The following MEGF8 variants were observed in gnomAD, a reference collection of about 807,000 sequenced individuals.
MEGF8 encodes the protein multiple epidermal growth factor-like domains protein 8.
Under a neutral mutation model 302.9 loss-of-function variants are expected in MEGF8, and 156 were observed. That is an observed-to-expected ratio of 0.52 (90% CI 0.45 to 0.59). The LOEUF (loss-of-function observed/expected upper bound fraction) is 0.59, where lower values mean the gene tolerates loss of function less well. MEGF8 is among the 20% of genes least tolerant of loss of function. MEGF8 has a pLI of 0.00. For missense variants in MEGF8, 3,345 were observed against 3,964.5 expected (o/e 0.84, Z 4.20); for synonymous variants, 1,621 against 1,660.5 (o/e 0.98, Z 0.58).
rs150171260 is a variant in MEGF8, at chr19:42,343,532, C to T, written c.1569C>T (p.Gly523=). 5.6e-6 allele frequency: 9 copies of T among 1,613,380 alleles called. No individual in the cohort carries two copies. Among genetic ancestry groups the T allele is most frequent in the Non-Finnish European group, 6.8e-6 (8 of 1,179,692 alleles). ...CACATGTAGCTGCGGTGCTTGGTGGCAGCGTCCTGTTGGTGGCTGGGGGGT... is the reference window on the plus strand; with the variant it reads ...CACATGTAGCTGCGGTGCTTGGTGGTAGCGTCCTGTTGGTGGCTGGGGGGT... ...RYSHVAAVLG[G]SVLLVAGGYS... is the part of the protein sequence containing the mutation. Residue 523 remains glycine, a synonymous_variant, in exon 9 of 42, where the codon GGC becomes GGT. Coordinates refer to ENST00000251268, the MANE Select transcript of MEGF8 (RefSeq NM_001271938.2).
At chr19:42,330,077 G>A (rs2039036166) in intron 1 of MEGF8, among the ~76,000 whole-genome samples, 1 of 151,932 alleles carries the variant, frequency 6.6e-6, no homozygotes, top group African/African-American at 2.4e-5. Context: ...TGAGTAGCTG[G>A]GATTACAGGC....
intron 8 of MEGF8, among the ~76,000 whole-genome samples, chr19:42,343,001 C>T (rs931232468): frequency 2.0e-5 from 3 of 152,154 alleles, no homozygotes; most frequent in African/African-American, 7.2e-5. Context: ...GTTGGTTTTC[C>T]AGAGGAAAAT....
Position 42,358,996 on chromosome 19 carries a change from G to T in MEGF8, c.5343+42G>T, listed in dbSNP as rs1281372368. The T allele has an allele frequency of 1.9e-6, 3 of 1,589,680 alleles. No individual in the cohort carries two copies. The highest frequency in any genetic ancestry group is 2.3e-5 in the East Asian group (1 of 44,190). On this transcript the variant is annotated intron_variant, in intron 30 of 41. Transcript: ENST00000251268. This position sits in a 1 kb window ranked among gnomAD's most constrained non-coding sequence, Gnocchi z 4.4. ...GTTAGGATTGGGTGGGCTGGTAGGG[G>T]GGGATAGGTAGGGAAGTACAGGGGT...
chr19:42,337,399 G>A (rs933992275), intron 8 of MEGF8, among the ~76,000 whole-genome samples, 193 bp downstream of exon 8: 4 of 152,254 alleles, frequency 2.6e-5, no homozygotes, highest in South Asian at 2.1e-4. Context: ...GGCCCTTACC[G>A]CAGTATCCAA....
At position 42,356,084 on chromosome 19, in the gene MEGF8, G is replaced by C. The variant is rs1256757653; in HGVS notation, c.4394G>C (p.Ser1465Thr). 2.5e-6 allele frequency: 4 copies of C among 1,588,990 alleles called. No homozygotes were observed. The Admixed American group carries it at 6.9e-5, about 27-fold the overall frequency. Residue 1465 changes from serine to threonine, a missense_variant and splice_region_variant, in exon 25 of 42, where the codon AGC becomes ACC. Ser to Thr is a moderately conservative substitution (Grantham distance 58). Transcript: ENST00000251268. The surrounding 1 kb of genome is among the most constrained non-coding windows in gnomAD (Gnocchi z 5.2). ...AHTGAGTCNQSLGVCICAEGF... is the reference protein window; with the variant it reads ...AHTGAGTCNQTLGVCICAEGF... ...CCTGAGTCCCTTGTCATCCCCCAGAGCCTGGGTGTGTGCATCTGTGCCGAG... is the reference window on the plus strand; with the variant it reads ...CCTGAGTCCCTTGTCATCCCCCAGACCCTGGGTGTGTGCATCTGTGCCGAG...
Position 42,333,586 on chromosome 19 carries a change from CT to C in MEGF8, c.188-18del, listed in dbSNP as rs1568555406. The stretch of plus-strand genomic sequence containing the variant: ...GAAGGTCCGCTTTAGAGCTTGGTCC[CT>C]CTGTGCTCACCTCCCAGCCCCAAGC... On this transcript the variant is annotated intron_variant, in intron 1 of 41. Coordinates refer to ENST00000251268, the MANE Select transcript of MEGF8 (RefSeq NM_001271938.2). 3 of 1,610,256 alleles carry C rather than the reference CT, an allele frequency of 1.9e-6. No individual in the cohort carries two copies. The highest frequency in any genetic ancestry group is 1.7e-4 in the Middle Eastern group (1 of 6,036).
chr19:42,341,738 C>A lies in MEGF8; in HGVS notation c.1514-1739C>A, dbSNP rs184219131. On this transcript the variant is annotated intron_variant, in intron 8 of 41. Coordinates refer to ENST00000251268, the MANE Select transcript of MEGF8 (RefSeq NM_001271938.2). ...CTGTGATTATAGACGTGAACTACCA[C>A]GCCCAGACATATTGTCTTTCTTATA... is the stretch of plus-strand genomic sequence containing the variant. 1.5e-4 allele frequency among the ~76,000 whole-genome samples: 23 copies of A among 152,298 alleles called. No homozygotes were observed. In the East Asian group the frequency reaches 4.2e-3, roughly 28 times the overall value.
rs753199102 is a variant in MEGF8 at position 42,353,474 on chromosome 19, G to C, written c.3560G>C (p.Trp1187Ser). 7 of 1,610,184 alleles carry C rather than the reference G, an allele frequency of 4.3e-6. No individual in the cohort carries two copies. In the East Asian group the frequency reaches 8.9e-5, roughly 21 times the overall value. Residue 1187 changes from tryptophan (W) to serine (S), a missense_variant, in exon 21 of 42, where the codon TGG becomes TCG. Transcript: ENST00000251268. The surrounding 1 kb of genome is among the most constrained non-coding windows in gnomAD (Gnocchi z 6.1). ...GFCDECQDWT[W>S]GEHCERCRPG... Reference sequence around the variant, plus strand: ...GCTGGGGCCTCCACAGACTGGACATGGGGGGAGCACTGCGAACGATGCCGG... The same window carrying C: ...GCTGGGGCCTCCACAGACTGGACATCGGGGGAGCACTGCGAACGATGCCGG...
chr19:42,345,616 A>G (rs2039278652), intron 12 of MEGF8, among the ~76,000 whole-genome samples: 1 of 152,134 alleles, frequency 6.6e-6, no homozygotes, highest in Non-Finnish European at 1.5e-5. Context: ...CTTCATTTGG[A>G]AAGGAACTCT....
intron 1 of MEGF8, among the ~76,000 whole-genome samples, chr19:42,328,923 G>A (rs1011206711): frequency 1.3e-5 from 2 of 152,142 alleles, no homozygotes; most frequent in African/African-American, 4.8e-5. Context: ...CCCCCAGTGT[G>A]TTCACTGAGA....
intron 1 of MEGF8, among the ~76,000 whole-genome samples, chr19:42,330,952 C>T (rs993743400): frequency 6.6e-6 from 1 of 152,156 alleles, no homozygotes; most frequent in African/African-American, 2.4e-5. Flanking sequence ...GTCTGAACAG[C>T]AGGTTAGGGA....
At position 42,356,608 on chromosome 19, in the gene MEGF8, CTT is replaced by C. The variant is rs2039456186; in HGVS notation, c.4622+156_4622+157del. 6.6e-6 allele frequency among the ~76,000 whole-genome samples: 1 copy of C among 152,150 alleles called. No individual in the cohort carries two copies. Among genetic ancestry groups the C allele is most frequent in the African/African-American group, 2.4e-5 (1 of 41,434 alleles). ...GTCACAGGAAGCTCACCCGGGGACA[CTT>C]GGGGACCAGGGTACTTATTTGGGTG... On this transcript the variant is annotated intron_variant, in intron 26 of 41. Transcript: ENST00000251268. This position sits in a 1 kb window ranked among gnomAD's most constrained non-coding sequence, Gnocchi z 5.2.
Position 42,359,170 on chromosome 19 carries a change from C to T in MEGF8, c.5416C>T (p.Pro1806Ser). Residue 1806 changes from proline (P) to serine (S), a missense_variant, in exon 31 of 42, where the codon CCT (proline) becomes TCT (serine). Pro to Ser is a moderately conservative substitution (Grantham distance 74, BLOSUM62 -1). Transcript: ENST00000251268. Reference protein sequence around the residue: ...TMVVLGGRSDPDEFSSDVLLY... With the variant: ...TMVVLGGRSDSDEFSSDVLLY... Reference sequence around the variant, plus strand: ...GGTGGTTCTTGGGGGGCGCTCGGACCCTGACGAGTTCAGCAGCGACGTTCT... The same window carrying T: ...GGTGGTTCTTGGGGGGCGCTCGGACTCTGACGAGTTCAGCAGCGACGTTCT... The T allele has an allele frequency of 6.2e-7, 1 of 1,603,982 alleles. No homozygotes were observed. Among genetic ancestry groups the T allele is most frequent in the Non-Finnish European group, 8.5e-7 (1 of 1,175,370 alleles).
intron 1 of MEGF8, among the ~76,000 whole-genome samples, chr19:42,328,430 T>C (rs1274599947): frequency 6.6e-6 from 1 of 152,118 alleles, no homozygotes; most frequent in Non-Finnish European, 1.5e-5. Flanking sequence ...GGACATGATC[T>C]GATTTATGTT....
chr19:42,378,024 A>T lies in MEGF8; in HGVS notation c.*1249A>T, dbSNP rs759278149. The T allele has an allele frequency of 6.6e-6, 1 of 152,132 alleles. No individual in the cohort carries two copies. Among genetic ancestry groups the T allele is most frequent in the Non-Finnish European group, 1.5e-5 (1 of 68,050 alleles). The allele number at this position is 152,132 out of a possible 1,614,324, so 9.4% of individuals were successfully genotyped here. A position where few individuals can be genotyped will look rare whatever the true frequency, so the allele number is the denominator to read the frequency against. Reference sequence around the variant, plus strand: ...GCCTGAACTGTGGGTGGCTGAGGGGATCGTTAATTGAATGGGGCAGACTGA... The same window carrying T: ...GCCTGAACTGTGGGTGGCTGAGGGGTTCGTTAATTGAATGGGGCAGACTGA... On this transcript the variant is annotated 3_prime_UTR_variant, in exon 42 of 42. Coordinates refer to ENST00000251268, the MANE Select transcript of MEGF8 (RefSeq NM_001271938.2).
At chr19:42,373,722 T>G (rs1040579055) in intron 41 of MEGF8, among the ~76,000 whole-genome samples, 2 of 148,264 alleles carry the variant, frequency 1.3e-5, no homozygotes, top group Admixed American at 6.7e-5. Context: ...TTTTTTTTTT[T>G]TTTTTTTTTG....
chr19:42,344,093 C>T lies in MEGF8; in HGVS notation c.1788+20C>T, dbSNP rs759606437. On this transcript the variant is annotated intron_variant, in intron 10 of 41. Transcript: ENST00000251268. This position sits in a 1 kb window ranked among gnomAD's most constrained non-coding sequence, Gnocchi z 4.5. The stretch of plus-strand genomic sequence containing the variant: ...GGGGCTGTGAGTGACAGCCCTAGAC[C>T]CTCTGTTCCCTAGCATAGAGACCTG... 1.2e-6 allele frequency: 2 copies of T among 1,611,276 alleles called. No homozygotes were observed. The highest frequency in any genetic ancestry group is 1.7e-6 in the Non-Finnish European group (2 of 1,179,104).
At chr19:42,362,271 G>T in intron 33 of MEGF8, 58 bp downstream of exon 33, 14 of 1,609,824 alleles carry the variant, frequency 8.7e-6, no homozygotes, top group Non-Finnish European at 1.1e-5. Flanking sequence ...GGAGGTCCTG[G>T]TCTCCACTCT....
intron 1 of MEGF8, among the ~76,000 whole-genome samples, chr19:42,328,341 G>A (rs1325807174): frequency 6.6e-6 from 1 of 152,152 alleles, no homozygotes; most frequent in Non-Finnish European, 1.5e-5. Flanking sequence ...GATCATGCAG[G>A]GCCTCCCTTG....
Sources: allele counts gnomAD v4.1 joint callset (sites outside exome capture counted in the v4.1 genomes callset), GRCh38; gene constraint gnomAD v4.1.1; non-coding constraint Gnocchi (gnomAD v3.1); transcripts MANE v1.5; gene names NCBI Gene and HGNC (gene_info 2026-07-23, HGNC 2026-07-21).